Variants in ZNF609 observed in about 807,000 individuals in gnomAD.
The protein encoded by ZNF609 is zinc finger protein 609.
In ZNF609, 11 loss-of-function variants were observed where a neutral mutation model predicts 109.5. That is an observed-to-expected ratio of 0.10 (90% CI 0.06 to 0.17). The LOEUF is 0.17. Ranked by LOEUF, ZNF609 falls within the 10% of genes least tolerant of loss-of-function variation. The probability of loss-of-function intolerance (pLI) is 1.00; values close to 1 mark genes in which losing one functional copy is unlikely to be tolerated. For missense variants in ZNF609, 1,559 were observed against 1,772.4 expected, an observed-to-expected ratio of 0.88 and a Z score of 2.16; for synonymous variants, 646 against 662.0, an observed-to-expected ratio of 0.98 and a Z score of 0.37.
At chr15:64,496,996 A>C (rs1352536063) in intron 1 of ZNF609, among the ~76,000 whole-genome samples, 1 of 151,900 alleles carries the variant, frequency 6.6e-6, no homozygotes, top group Non-Finnish European at 1.5e-5. Context: ...TGTATTTTTT[A>C]TAGAGACAGG....
chr15:64,553,693 G>A (rs1009284487), intron 2 of ZNF609, among the ~76,000 whole-genome samples: 12 of 151,810 alleles, frequency 7.9e-5, no homozygotes, highest in African/African-American at 2.9e-4. Context: ...CCGCCTTCTG[G>A]GTTCACGCCA....
chr15:64,555,053 G>A (rs1156364464), intron 2 of ZNF609, among the ~76,000 whole-genome samples: 2 of 149,436 alleles, frequency 1.3e-5, no homozygotes, highest in Admixed American at 6.8e-5. Context: ...CCAAGATCAC[G>A]CCATTGCACT....
intron 2 of ZNF609, among the ~76,000 whole-genome samples, chr15:64,570,541 G>A (rs2140413164): frequency 6.6e-6 from 1 of 152,208 alleles, no homozygotes; most frequent in South Asian, 2.1e-4. Flanking sequence ...CAAGGTTCTG[G>A]ACTTCTTTGT....
chr15:64,675,377 C>G lies in ZNF609; in HGVS notation c.2523C>G (p.Asn841Lys), dbSNP rs1292491423. Residue 841 changes from asparagine to lysine, a missense_variant, in exon 5 of 10, where the codon AAC (asparagine) becomes AAG (lysine). Around this residue, in one of 4 missense-constraint regions of ZNF609, gnomAD observed 1,204 missense variants for 1,314.1 expected, o/e 0.92. Transcript: ENST00000326648. The part of the protein sequence containing the change: ...NGAEASSVKT[N>K]SPAYSDISDA... ...CTGAAGCCAGCTCAGTCAAAACCAA[C>G]AGCCCTGCATACTCTGACATCTCTG... 1 of 1,614,082 alleles carries G rather than the reference C, an allele frequency of 6.2e-7. No homozygotes were observed. Among genetic ancestry groups the G allele is most frequent in the South Asian group, 1.1e-5 (1 of 91,058 alleles).
chr15:64,652,444 T>C (rs187773921), intron 3 of ZNF609, among the ~76,000 whole-genome samples: 151 of 149,728 alleles, frequency 1.0e-3, no homozygotes, highest in African/African-American at 3.7e-3. Flanking sequence ...TGGAGTGCAG[T>C]GGTATGATCA....
At chr15:64,471,545 T>G (rs1893091168) in intron 1 of ZNF609, among the ~76,000 whole-genome samples, 1 of 152,190 alleles carries the variant, frequency 6.6e-6, no homozygotes, top group Admixed American at 6.6e-5. Context: ...TGTGAGATTT[T>G]AGAATGATTT....
chr15:64,669,708 C>T (rs553794115), intron 3 of ZNF609, among the ~76,000 whole-genome samples: 1 of 152,130 alleles, frequency 6.6e-6, no homozygotes, highest in East Asian at 1.9e-4. Flanking sequence ...CACTCTGTCA[C>T]CCATGCTGGA....
At chr15:64,592,577 A>G (rs1000088012) in intron 2 of ZNF609, among the ~76,000 whole-genome samples, 12 of 147,462 alleles carry the variant, frequency 8.1e-5, no homozygotes, top group African/African-American at 3.0e-4. Context: ...GACTGTCTCA[A>G]AAAAATAATA....
At chr15:64,548,248 C>A (rs1020242317) in intron 2 of ZNF609, among the ~76,000 whole-genome samples, 5 of 152,186 alleles carry the variant, frequency 3.3e-5, no homozygotes, top group African/African-American at 1.2e-4. Context: ...TGCATAATTT[C>A]TCATTTTACC....
At chr15:64,679,332 A>C (rs1273270427) in intron 6 of ZNF609, among the ~76,000 whole-genome samples, 1 of 152,194 alleles carries the variant, frequency 6.6e-6, no homozygotes, top group African/African-American at 2.4e-5. Context: ...TTGGCCTCCC[A>C]AAGTGCTGAG....
At chr15:64,563,360 A>G (rs1279744262) in intron 2 of ZNF609, among the ~76,000 whole-genome samples, 1 of 150,640 alleles carries the variant, frequency 6.6e-6, no homozygotes, top group Non-Finnish European at 1.5e-5. Context: ...CTGAGGTGGG[A>G]GGATTGATGG....
chr15:64,590,048 G>A (rs992848042), intron 2 of ZNF609, among the ~76,000 whole-genome samples: 3 of 152,150 alleles, frequency 2.0e-5, no homozygotes, highest in East Asian at 1.9e-4. Context: ...TGGGCTGGAT[G>A]GAGAAGGTAA....
chr15:64,462,969 T>C (rs1307872832), intron 1 of ZNF609, among the ~76,000 whole-genome samples: 1 of 152,182 alleles, frequency 6.6e-6, no homozygotes, highest in Non-Finnish European at 1.5e-5. Context: ...AAAAAATTAT[T>C]TGGGACCAGG....
chr15:64,651,335 T>C (rs1896412287), intron 3 of ZNF609, among the ~76,000 whole-genome samples: 1 of 152,156 alleles, frequency 6.6e-6, no homozygotes, highest in East Asian at 1.9e-4. Flanking sequence ...TTCAAATAAA[T>C]ATATGCAAAT....
chr15:64,551,303 T>G (rs1433525556), intron 2 of ZNF609, among the ~76,000 whole-genome samples: 1 of 152,174 alleles, frequency 6.6e-6, no homozygotes, highest in Non-Finnish European at 1.5e-5. Flanking sequence ...TGACCCATTG[T>G]TTTTACCTCC....
chr15:64,560,025 A>G (rs913605111), intron 2 of ZNF609, among the ~76,000 whole-genome samples: 13 of 152,170 alleles, frequency 8.5e-5, no homozygotes, highest in Non-Finnish European at 2.9e-5. Context: ...GAGTAATTAC[A>G]TACTTACCAC....
Position 64,676,181 on chromosome 15 carries a change from G to C in ZNF609, c.3327G>C (p.Lys1109Asn), listed in dbSNP as rs769817782. 6.2e-7 allele frequency: 1 copy of C among 1,614,164 alleles called. No individual in the cohort carries two copies. Among genetic ancestry groups the C allele is most frequent in the Middle Eastern group, 1.6e-4 (1 of 6,062 alleles). ...TGAGTGATGCCAGCCACCTAAGCAAGGAGGCCTCTGAGGCCAAGACAGGTG... is the reference window on the plus strand; with the variant it reads ...TGAGTGATGCCAGCCACCTAAGCAACGAGGCCTCTGAGGCCAAGACAGGTG... ...VKLSDASHLS[K>N]EASEAKTGAE... is the part of the protein sequence containing the mutation. The change falls in exon 5 of 10, where the codon AAG becomes AAC. Residue 1109 changes from lysine to asparagine, a missense_variant. This residue lies in a region of ZNF609 where 1,204 missense variants were observed against 1,314.1 expected (regional missense o/e 0.92). Transcript: ENST00000326648.
At chr15:64,597,788 C>G (rs78490375) in intron 2 of ZNF609, among the ~76,000 whole-genome samples, 1 of 152,132 alleles carries the variant, frequency 6.6e-6, no homozygotes, top group Non-Finnish European at 1.5e-5. Flanking sequence ...ACTGCCCCAT[C>G]CCCAGCTCAC....
chr15:64,542,783 A>T (rs1308728447), intron 2 of ZNF609, among the ~76,000 whole-genome samples: 1 of 152,166 alleles, frequency 6.6e-6, no homozygotes, highest in Non-Finnish European at 1.5e-5. Context: ...TCTCTGCCTT[A>T]GTTGGACCTT....
Sources: gnomAD v4.1 joint callset for allele counts (sites outside exome capture counted in the v4.1 genomes callset) on GRCh38, gnomAD v4.1.1 for gene constraint, gnomAD v4.1.1 regional missense constraint, MANE v1.5 for transcripts, NCBI Gene and HGNC (gene_info 2026-07-23, HGNC 2026-07-21) for gene names.